Variants in TPTE2 observed in about 807,000 individuals in gnomAD.
TPTE2 encodes the protein transmembrane phosphoinositide 3-phosphatase and tensin homolog 2, also known as phosphatidylinositol 3,4,5-trisphosphate 3-phosphatase TPTE2.
In TPTE2, 53 loss-of-function variants were observed where a neutral mutation model predicts 78.6. The observed-to-expected ratio is 0.67, with a 90% CI of 0.54 to 0.85. The LOEUF is 0.85. Among genes scored for constraint, TPTE2 ranks in the 40% least tolerant of loss-of-function variants. The probability of loss-of-function intolerance (pLI) is 0.00; values close to 1 mark genes in which losing one functional copy is unlikely to be tolerated. For synonymous variants in TPTE2, 175 were observed against 206.2 expected (o/e 0.85, Z 1.30); for missense variants, 461 against 623.0 (o/e 0.74, Z 2.77).
chr13:19,423,981 A>C (rs926332188), intron 19 of TPTE2, among the ~76,000 whole-genome samples: 3 of 152,230 alleles, frequency 2.0e-5, no homozygotes, highest in Non-Finnish European at 4.4e-5. Context: ...CTTGTAAAAA[A>C]TTTCCATCAA....
At chr13:19,548,947 C>A in the TPTE2 span, among the ~76,000 whole-genome samples, 1 of 151,888 alleles carries the variant, frequency 6.6e-6, no homozygotes, top group African/African-American at 2.4e-5. Context: ...GGCAAAACCC[C>A]GTCTATATGA....
intron 14 of TPTE2, among the ~76,000 whole-genome samples, chr13:19,436,973 A>T (rs2137493250): frequency 1.3e-5 from 2 of 151,854 alleles, no homozygotes; most frequent in Middle Eastern, 3.4e-3. Flanking sequence ...CTCTGGATCA[A>T]TGGCTGTCAA....
chr13:19,488,754 A>G (rs1020497716), intron 3 of TPTE2, among the ~76,000 whole-genome samples: 1 of 152,258 alleles, frequency 6.6e-6, no homozygotes, highest in Non-Finnish European at 1.5e-5. Context: ...CAGATTAGCA[A>G]TCAGACTGTT....
At chr13:19,537,050 G>T (rs891147355), upstream of TPTE2, among the ~76,000 whole-genome samples, 7 of 151,724 alleles carry the variant, frequency 4.6e-5, no homozygotes, top group African/African-American at 1.2e-4. Context: ...GCTAACTTTT[G>T]ATTTTTTGGC....
Position 19,436,319 on chromosome 13 carries a change from G to T in TPTE2, c.1036-13C>A. On this transcript the variant is annotated splice_polypyrimidine_tract_variant and intron_variant, in intron 14 of 19. Coordinates refer to ENST00000400230, the Ensembl canonical transcript of TPTE2. Reference sequence around the variant, plus strand: ...AATATAGGCTTTCCTACAAAAAAGGGTACAATCCAACCATGGTTCATCTGC... The same window carrying T: ...AATATAGGCTTTCCTACAAAAAAGGTTACAATCCAACCATGGTTCATCTGC... 1 of 1,609,648 alleles carries T rather than the reference G, an allele frequency of 6.2e-7. No homozygotes were observed. Among genetic ancestry groups the T allele is most frequent in the East Asian group, 2.2e-5 (1 of 44,740 alleles).
chr13:19,516,028 G>A (rs1869770104), intron 1 of TPTE2, among the ~76,000 whole-genome samples: 1 of 152,218 alleles, frequency 6.6e-6, no homozygotes, highest in Non-Finnish European at 1.5e-5. Context: ...CTTCCCTCAT[G>A]GGACATGACT....
At chr13:19,463,123 G>C (rs894029384) in intron 10 of TPTE2, among the ~76,000 whole-genome samples, 4 of 115,088 alleles carry the variant, frequency 3.5e-5, no homozygotes, top group South Asian at 3.5e-4. Flanking sequence ...AGCTTGGATG[G>C]CAAGCATGCA....
At chr13:19,444,425 A>G (rs1401302350) in intron 13 of TPTE2, among the ~76,000 whole-genome samples, 1 of 151,824 alleles carries the variant, frequency 6.6e-6, no homozygotes, top group African/African-American at 2.4e-5. Flanking sequence ...ACAACAAAAA[A>G]CATTTAGAAA....
intron 10 of TPTE2, among the ~76,000 whole-genome samples, chr13:19,458,102 T>C (rs1878659306): frequency 6.6e-6 from 1 of 152,232 alleles, no homozygotes; most frequent in African/African-American, 2.4e-5. Context: ...AGTTTTAAGA[T>C]GGTACTCACC....
exon 12 of TPTE2, chr13:19,450,314 T>C: frequency 6.2e-7 from 1 of 1,611,280 alleles, no homozygotes; most frequent in Non-Finnish European, 8.5e-7. Flanking sequence ...GACCCTATTA[T>C]GGAAGTGCTT....
chr13:19,467,184 T>G (rs777191903), intron 7 of TPTE2, 41 bp downstream of exon 10: 3 of 1,518,864 alleles, frequency 2.0e-6, no homozygotes. Flanking sequence ...ATGCTAAAAG[T>G]AATGAAAAAC....
chr13:19,534,835 A>C (rs951913942), intron 1 of TPTE2, among the ~76,000 whole-genome samples: 4 of 152,236 alleles, frequency 2.6e-5, no homozygotes, highest in African/African-American at 9.6e-5. Context: ...GTCTATATTT[A>C]CATAATTTAA....
intron 1 of TPTE2, among the ~76,000 whole-genome samples, chr13:19,522,535 A>C (rs1280772193): frequency 6.6e-6 from 1 of 152,002 alleles, no homozygotes; most frequent in Non-Finnish European, 1.5e-5. Context: ...CATGAACAGA[A>C]ATGTCTTCTG....
intron 17 of TPTE2, among the ~76,000 whole-genome samples, chr13:19,427,305 G>A (rs999581614): frequency 7.3e-5 from 11 of 150,768 alleles, no homozygotes; most frequent in Admixed American, 2.0e-4. Flanking sequence ...GAATGGTCTC[G>A]ATCTCTTGAC....
intron 3 of TPTE2, among the ~76,000 whole-genome samples, chr13:19,490,113 A>G (rs1441986326): frequency 6.6e-6 from 1 of 152,196 alleles, no homozygotes; most frequent in Non-Finnish European, 1.5e-5. Flanking sequence ...GCCTTAACAA[A>G]CAATCTAATG....
chr13:19,516,549 T>C (rs979348788), intron 1 of TPTE2, among the ~76,000 whole-genome samples: 2 of 152,202 alleles, frequency 1.3e-5, no homozygotes, highest in African/African-American at 4.8e-5. Flanking sequence ...GTAACATCCA[T>C]CATGCTGCTT....
intron 13 of TPTE2, among the ~76,000 whole-genome samples, chr13:19,439,392 C>T (rs998834789): frequency 6.6e-6 from 1 of 151,590 alleles, no homozygotes; most frequent in Non-Finnish European, 1.5e-5. Flanking sequence ...ACAGTCACAC[C>T]CTCTAGGGAG....
the TPTE2 span, among the ~76,000 whole-genome samples, chr13:19,556,563 G>A: frequency 2.0e-5 from 3 of 152,140 alleles, no homozygotes; most frequent in Admixed American, 1.3e-4. Flanking sequence ...ATCTCACTCT[G>A]TTGCTTAGGA....
chr13:19,537,110 T>G (rs560878177), upstream of TPTE2, among the ~76,000 whole-genome samples: 34 of 152,102 alleles, frequency 2.2e-4, no homozygotes, highest in African/African-American at 7.5e-4. Context: ...TCAATATGGT[T>G]TTAATTTGCA....
Sources: allele counts gnomAD v4.1 joint callset (sites outside exome capture counted in the v4.1 genomes callset), GRCh38; gene constraint gnomAD v4.1.1; transcripts MANE v1.5; gene names NCBI Gene and HGNC (gene_info 2026-07-23, HGNC 2026-07-21).